The following AFAP1 variants were observed in gnomAD, a reference collection of about 807,000 sequenced individuals.
The protein encoded by AFAP1 is actin filament associated protein 1, also known as actin filament-associated protein 1.
Under a neutral mutation model 93.9 loss-of-function variants are expected in AFAP1, and 75 were observed. That is an observed-to-expected ratio of 0.80 (90% CI 0.66 to 0.97). AFAP1 has a LOEUF of 0.97. AFAP1 is among the 50% of genes least tolerant of loss of function. AFAP1 has a pLI of 0.00. For missense variants in AFAP1, 1,201 were observed against 1,050.8 expected (o/e 1.14, Z -1.98); for synonymous variants, 517 against 430.7 (o/e 1.20, Z -2.48).
At chr4:7,775,022 T>C in intron 14 of AFAP1, 119 bp from the exon 15 acceptor site, 1 of 1,217,820 alleles carries the variant, frequency 8.2e-7, no homozygotes, top group Non-Finnish European at 1.1e-6. Flanking sequence ...ATGCCTATAG[T>C]CCCAGCTACT....
At chr4:7,844,513 C>A (rs28520091) in intron 4 of AFAP1, among the ~76,000 whole-genome samples, 2 of 151,946 alleles carry the variant, frequency 1.3e-5, no homozygotes, top group Non-Finnish European at 2.9e-5. Flanking sequence ...AGCCTCCACA[C>A]GGCCCAACAC....
rs143737934 is a variant in AFAP1, at chr4:7,793,767, C to T, written c.1326G>A (p.Ser442=). 43 of 1,573,626 alleles carry T rather than the reference C, an allele frequency of 2.7e-5. No homozygotes were observed. Among genetic ancestry groups the T allele is most frequent in the Non-Finnish European group, 3.2e-5 (37 of 1,148,696 alleles). The change falls in exon 11 of 18, where the codon TCG becomes TCA. Residue 442 remains serine (S), a synonymous_variant. Transcript: ENST00000420658. ...AGTGCAGAGCCTCCGGGTCTGTGGA[C>T]GATCCCGTCTCTGCGAGTAAAATCC... is the stretch of plus-strand genomic sequence containing the variant. ...WIGILLAETG[S]STDPEALHYD...
intron 1 of AFAP1, among the ~76,000 whole-genome samples, chr4:7,907,938 G>T (rs1719510192): frequency 1.3e-5 from 2 of 152,146 alleles, no homozygotes. Flanking sequence ...TTAAAAGCAT[G>T]AATACATACA....
At chr4:7,785,953 T>G (rs770409698) in intron 12 of AFAP1, among the ~76,000 whole-genome samples, 9 of 152,096 alleles carry the variant, frequency 5.9e-5, no homozygotes, top group Non-Finnish European at 1.3e-4. Flanking sequence ...AACAGAAAAA[T>G]GACAGTGACA....
intron 13 of AFAP1, 74 bp from the exon 14 acceptor site, chr4:7,778,950 G>C: frequency 8.6e-7 from 1 of 1,165,742 alleles, no homozygotes; most frequent in Non-Finnish European, 1.2e-6. Context: ...TTTTTTTCTG[G>C]AGTCATTTCT....
chr4:7,816,169 C>G (rs1720460137), intron 7 of AFAP1, 70 bp from the exon 8 acceptor site: 1 of 1,302,446 alleles, frequency 7.7e-7, no homozygotes, highest in South Asian at 1.3e-5. Flanking sequence ...GATGGATCAA[C>G]CAAAAGTTAT....
rs1469981823 is a variant in AFAP1 at position 7,773,026 on chromosome 4, ACGCCG to A, written c.2063-21_2063-17del. On this transcript the variant is annotated splice_polypyrimidine_tract_variant and intron_variant, in intron 15 of 17. Coordinates refer to ENST00000420658, the MANE Select transcript of AFAP1 (RefSeq NM_001134647.2). Reference sequence around the variant, plus strand: ...GGCTTCCTGCCTGGAATTCCCAGAAACGCCGTTACTCCCGCGGCAGGCACAGGTTC... The same window carrying A: ...GGCTTCCTGCCTGGAATTCCCAGAAATTACTCCCGCGGCAGGCACAGGTTC... 2 of 1,603,746 alleles carry A rather than the reference ACGCCG, an allele frequency of 1.2e-6. No homozygotes were observed. Among genetic ancestry groups the A allele is most frequent in the Non-Finnish European group, 1.7e-6 (2 of 1,179,004 alleles).
At chr4:7,851,745 A>G (rs1265353026) in intron 4 of AFAP1, among the ~76,000 whole-genome samples, 1 of 152,202 alleles carries the variant, frequency 6.6e-6, no homozygotes, top group Non-Finnish European at 1.5e-5. Context: ...ACCTGCCAAC[A>G]GCAGACGGCA....
chr4:7,849,408 T>C (rs1406170851), intron 4 of AFAP1, among the ~76,000 whole-genome samples: 8 of 150,244 alleles, frequency 5.3e-5, no homozygotes, highest in African/African-American at 4.9e-5. Context: ...AGGAAAGGAG[T>C]GGAAAAAGCA....
chr4:7,771,686 C>T (rs991379273), intron 16 of AFAP1, among the ~76,000 whole-genome samples: 1 of 152,196 alleles, frequency 6.6e-6, no homozygotes, highest in African/African-American at 2.4e-5. Context: ...AAGCCCTGGC[C>T]TGTGTGACCC....
chr4:7,911,957 G>A lies in AFAP1; in HGVS notation c.-3+27699C>T, dbSNP rs181244100. On this transcript the variant is annotated intron_variant, in intron 1 of 17. Transcript: ENST00000420658. ...AAATATAGAAAGGATTCCATGATAAGGCAGAGTTATTAGGTGGCTCTTACA... is the reference window on the plus strand; with the variant it reads ...AAATATAGAAAGGATTCCATGATAAAGCAGAGTTATTAGGTGGCTCTTACA... Among the ~76,000 whole-genome samples, 7 of 152,318 alleles carry A rather than the reference G, an allele frequency of 4.6e-5. 1 individual carries two copies. In the East Asian group the frequency reaches 1.4e-3, roughly 29 times the overall value.
At chr4:7,842,930 C>A in intron 5 of AFAP1, 1 of 548,932 alleles carries the variant, frequency 1.8e-6, no homozygotes, top group Non-Finnish European at 3.2e-6. Flanking sequence ...GCTGGGAAAC[C>A]GGCAACCTTG....
chr4:7,866,177 G>A (rs1716376617), intron 3 of AFAP1, among the ~76,000 whole-genome samples: 1 of 151,212 alleles, frequency 6.6e-6, no homozygotes, highest in African/African-American at 2.4e-5. Context: ...GATTACAAGT[G>A]TGAGCCACTG....
At chr4:7,929,367 T>C (rs1368745312) in intron 1 of AFAP1, among the ~76,000 whole-genome samples, 2 of 152,166 alleles carry the variant, frequency 1.3e-5, no homozygotes, top group African/African-American at 2.4e-5. Flanking sequence ...ATTAATGACA[T>C]GGAGGTGACT....
intron 11 of AFAP1, 57 bp from the exon 12 acceptor site, chr4:7,786,368 G>T: frequency 1.4e-6 from 2 of 1,432,818 alleles, no homozygotes; most frequent in Non-Finnish European, 2.0e-6. Flanking sequence ...ACTCCAATCA[G>T]TCAAGTCTTT....
At chr4:7,874,865 A>G (rs1259945196) in intron 1 of AFAP1, among the ~76,000 whole-genome samples, 3 of 152,268 alleles carry the variant, frequency 2.0e-5, no homozygotes, top group Non-Finnish European at 2.9e-5. Context: ...TATATTATTT[A>G]TGTTAACATA....
chr4:7,870,637 A>G (rs1372976948), intron 2 of AFAP1, among the ~76,000 whole-genome samples: 1 of 152,106 alleles, frequency 6.6e-6, no homozygotes, highest in East Asian at 1.9e-4. Context: ...AGCCTGTGTG[A>G]CACAGTGAGA....
chr4:7,815,718 G>A (rs922704751), intron 8 of AFAP1, among the ~76,000 whole-genome samples: 2 of 152,154 alleles, frequency 1.3e-5, no homozygotes, highest in Non-Finnish European at 2.9e-5. Context: ...GTGACAGATC[G>A]AGTGAAGAAA....
intron 11 of AFAP1, among the ~76,000 whole-genome samples, chr4:7,792,343 A>G (rs950763346): frequency 3.3e-5 from 5 of 152,186 alleles, no homozygotes; most frequent in Admixed American, 3.3e-4. Context: ...ATTATACAAC[A>G]TCAAAAAAAA....
Sources: allele counts gnomAD v4.1 joint callset (sites outside exome capture counted in the v4.1 genomes callset), GRCh38; gene constraint gnomAD v4.1.1; transcripts MANE v1.5; gene names NCBI Gene and HGNC (gene_info 2026-07-23, HGNC 2026-07-21).